Variants in RNF128 observed in about 807,000 individuals in gnomAD.
RNF128 encodes E3 ubiquitin-protein ligase RNF128.
RNF128 carries 13 observed loss-of-function variants against 26.2 expected under a neutral mutation model. The ratio of observed to expected loss-of-function variants is 0.50; its 90% CI spans 0.32 to 0.79. The LOEUF (loss-of-function observed/expected upper bound fraction) is 0.79, where lower values mean the gene tolerates loss of function less well. Among genes scored for constraint, RNF128 ranks in the 30% least tolerant of loss-of-function variants. The probability of loss-of-function intolerance (pLI) is 0.03; values close to 1 mark genes in which losing one functional copy is unlikely to be tolerated. For synonymous variants in RNF128, 149 were observed against 142.5 expected, an observed-to-expected ratio of 1.05 and a Z score of -0.32; for missense variants, 315 against 349.7, an observed-to-expected ratio of 0.90 and a Z score of 0.79.
At chrX:106,717,511 T>TAA (rs1483410461) in intron 1 of RNF128, among the ~76,000 whole-genome samples, 2 of 112,034 alleles carry the variant, frequency 1.8e-5, no homozygotes, top group South Asian at 7.5e-4. Flanking sequence ...TTGATACCGT[T>TAA]AATAGGGTTA....
rs748481855 is a variant in RNF128, at chrX:106,749,016, A to G, written c.484+21619A>G. Among the ~76,000 whole-genome samples the G allele has an allele frequency of 1.2e-4, 13 of 112,217 alleles. 1 individual carries two copies. The highest frequency in any genetic ancestry group is 4.2e-4 in the African/African-American group (13 of 30,974). On this transcript the variant is annotated intron_variant, in intron 1 of 6. Transcript: ENST00000255499. Reference sequence around the variant, plus strand: ...AAATATGTACAACTATGATACATCAATTTTTAAAAAAGGAAGTGAATTTTT... The same window carrying G: ...AAATATGTACAACTATGATACATCAGTTTTTAAAAAAGGAAGTGAATTTTT...
chrX:106,791,197 A>C lies in RNF128; in HGVS notation c.1116A>C (p.Thr372=). The part of the protein sequence containing the change: ...ASSGYASVQG[T]DEPPLEEHVQ... Reference sequence around the variant, plus strand: ...CTGGATATGCTTCAGTACAGGGAACAGATGAACCGCCTCTGGAGGAACACG... The same window carrying C: ...CTGGATATGCTTCAGTACAGGGAACCGATGAACCGCCTCTGGAGGAACACG... The change falls in exon 6 of 7, where the codon ACA becomes ACC. Residue 372 remains threonine (T), a synonymous_variant. Coordinates refer to ENST00000255499, the MANE Select transcript of RNF128 (RefSeq NM_194463.2). 8.3e-7 allele frequency: 1 copy of C among 1,209,590 alleles called. No homozygotes were observed. Among genetic ancestry groups the C allele is most frequent in the Non-Finnish European group, 1.1e-6 (1 of 894,198 alleles).
chrX:106,762,995 T>G (rs1186627486), intron 1 of RNF128, among the ~76,000 whole-genome samples: 2 of 108,903 alleles, frequency 1.8e-5, no homozygotes, highest in Non-Finnish European at 3.8e-5. Flanking sequence ...CCAACACATG[T>G]GCAAGATCAG....
chrX:106,785,066 G>A lies in RNF128; in HGVS notation c.734G>A (p.Arg245Lys). 8.6e-7 allele frequency: 1 copy of A among 1,160,950 alleles called. No individual in the cohort carries two copies. The highest frequency in any genetic ancestry group is 1.1e-6 in the Non-Finnish European group (1 of 873,016). Residue 245 changes from arginine to lysine, a missense_variant and splice_region_variant, in exon 3 of 7, where the codon AGG (arginine) becomes AAG (lysine). Transcript: ENST00000255499. ...RNARAQSRKQRQLKADAKKAI... is the reference protein window; with the variant it reads ...RNARAQSRKQKQLKADAKKAI... ...TACCTGCTGTTTTTTTTTTTACAGA[G>A]GCAATTAAAGGCAGATGCTAAAAAA...
At chrX:106,778,841 T>C (rs1930515195) in intron 2 of RNF128, among the ~76,000 whole-genome samples, 2 of 112,211 alleles carry the variant, frequency 1.8e-5, no homozygotes. Context: ...ACTTAAAGCA[T>C]TACTAAAAAT....
chrX:106,730,093 G>C (rs1929476788), intron 1 of RNF128, among the ~76,000 whole-genome samples: 1 of 112,222 alleles, frequency 8.9e-6, no homozygotes, highest in Non-Finnish European at 1.9e-5. Context: ...GTTAGAGTTT[G>C]TGCTGAGTGT....
chrX:106,775,606 A>T (rs891759137), intron 2 of RNF128, among the ~76,000 whole-genome samples: 2 of 112,011 alleles, frequency 1.8e-5, no homozygotes, highest in South Asian at 7.5e-4. Flanking sequence ...GAGGACTAAA[A>T]GATTAAATAT....
chrX:106,714,553 G>T, intron 1 of RNF128, among the ~76,000 whole-genome samples: 1 of 110,672 alleles, frequency 9.0e-6, no homozygotes, highest in South Asian at 3.9e-4. Flanking sequence ...CACCTTACTC[G>T]AATTTCACTA....
chrX:106,697,808 C>T (rs1300982844), intron 1 of RNF128, among the ~76,000 whole-genome samples: 2 of 110,540 alleles, frequency 1.8e-5, no homozygotes, highest in East Asian at 5.7e-4. Context: ...TGGAGGTAAA[C>T]TTCTAACTCA....
At chrX:106,743,607 C>A (rs1929739541) in intron 1 of RNF128, among the ~76,000 whole-genome samples, 1 of 112,340 alleles carries the variant, frequency 8.9e-6, no homozygotes, top group South Asian at 3.7e-4. Flanking sequence ...TAAGAAACTA[C>A]CATTTGTTGA....
intron 1 of RNF128, among the ~76,000 whole-genome samples, chrX:106,743,773 A>G (rs1207339362): frequency 8.9e-6 from 1 of 111,888 alleles, no homozygotes; most frequent in Non-Finnish European, 1.9e-5. Flanking sequence ...AAAGGATTAT[A>G]AATCATGCTG....
rs564920137 is a variant in RNF128 at position 106,796,568 on chromosome X, A to G, written c.*855A>G. Reference sequence around the variant, plus strand: ...GTTCTGTAAAATTAGTCTGTTGAAAATGTTTTCCAAACAATGTTACTTTGA... The same window carrying G: ...GTTCTGTAAAATTAGTCTGTTGAAAGTGTTTTCCAAACAATGTTACTTTGA... On this transcript the variant is annotated 3_prime_UTR_variant, in exon 7 of 7. Coordinates refer to ENST00000255499, the MANE Select transcript of RNF128 (RefSeq NM_194463.2). 8.9e-5 allele frequency: 10 copies of G among 112,301 alleles called. No homozygotes were observed. The highest frequency in any genetic ancestry group is 2.9e-4 in the African/African-American group (9 of 30,943). 9.3% of individuals were successfully genotyped at this position (112,301 alleles called of 1,213,427 possible). A position where few individuals can be genotyped will look rare whatever the true frequency, so the allele number is the denominator to read the frequency against.
At chrX:106,722,958 C>T (rs904516124), upstream of RNF128, among the ~76,000 whole-genome samples, 1 of 111,020 alleles carries the variant, frequency 9.0e-6, no homozygotes, top group African/African-American at 3.3e-5. Flanking sequence ...AGTGTCTAGA[C>T]CTCCAGAATA....
intron 4 of RNF128, among the ~76,000 whole-genome samples, chrX:106,788,327 A>ATATATACTATATATAATATATAT (rs1569445258): frequency 9.2e-5 from 5 of 54,409 alleles, no homozygotes; most frequent in Admixed American, 6.4e-4. Flanking sequence ...TATTAATATT[A>ATATATACTATATATAATATATAT]TATATACTAT....
intron 2 of RNF128, among the ~76,000 whole-genome samples, chrX:106,778,969 A>G (rs1374416351): frequency 8.9e-6 from 1 of 111,953 alleles, no homozygotes; most frequent in Non-Finnish European, 1.9e-5. Context: ...ATACATTTGC[A>G]GTTGGTGTGT....
chrX:106,790,320 C>G (rs769082574), intron 5 of RNF128, 38 bp downstream of exon 5: 3 of 940,285 alleles, frequency 3.2e-6, no homozygotes, highest in Non-Finnish European at 3.0e-6. Flanking sequence ...AGAATATATG[C>G]CTGGGCTTTG....
At chrX:106,790,992 GA>G (rs1930812142) in intron 5 of RNF128, 73 bp from the exon 6 acceptor site, 1 of 970,247 alleles carries the variant, frequency 1.0e-6, no homozygotes, top group Admixed American at 2.6e-5. Flanking sequence ...CACCTATAAA[GA>G]AACTTTGAAG....
At chrX:106,700,016 T>C (rs1396039586) in intron 1 of RNF128, among the ~76,000 whole-genome samples, 1 of 105,619 alleles carries the variant, frequency 9.5e-6, no homozygotes, top group Non-Finnish European at 1.9e-5. Flanking sequence ...ATTTTTTAAA[T>C]TTATTTATTT....
At chrX:106,727,437 C>T (rs764673641) in intron 1 of RNF128, 40 bp downstream of exon 1, 26 of 1,192,556 alleles carry the variant, frequency 2.2e-5, no homozygotes, top group Non-Finnish European at 2.8e-5. Context: ...CAGACCTCTG[C>T]CATGGCCAGT....
Sources: gnomAD v4.1 joint callset for allele counts (sites outside exome capture counted in the v4.1 genomes callset) on GRCh38, gnomAD v4.1.1 for gene constraint, MANE v1.5 for transcripts, NCBI Gene and HGNC (gene_info 2026-07-23, HGNC 2026-07-21) for gene names.